LOC128462377: variants seen among roughly 807,000 people sequenced by gnomAD.
chr16:89,350,113 G>A, the LOC128462377 span, among the ~76,000 whole-genome samples: 264 of 152,286 alleles, frequency 1.7e-3, no homozygotes, highest in Non-Finnish European at 1.3e-3. Context: ...AACATCATTT[G>A]TCACTAGGGC....
chr16:89,410,437 G>C, the LOC128462377 span, among the ~76,000 whole-genome samples: 1 of 152,226 alleles, frequency 6.6e-6, no homozygotes, highest in Non-Finnish European at 1.5e-5. Flanking sequence ...GGTGTTGGGA[G>C]TGATGGTCTT....
the LOC128462377 span, among the ~76,000 whole-genome samples, chr16:89,396,467 G>A: frequency 1.2e-4 from 18 of 152,082 alleles, no homozygotes; most frequent in African/African-American, 2.4e-4. Context: ...TTTTGGTGTC[G>A]TATCAATGAA....
chr16:89,375,585 G>A, the LOC128462377 span, among the ~76,000 whole-genome samples: 29 of 151,696 alleles, frequency 1.9e-4, no homozygotes, highest in African/African-American at 2.4e-4. Flanking sequence ...TCAGCCTCCC[G>A]AGTGATTACA....
chr16:89,396,701 T>G, the LOC128462377 span, among the ~76,000 whole-genome samples: 1 of 152,160 alleles, frequency 6.6e-6, no homozygotes, highest in Non-Finnish European at 1.5e-5. Flanking sequence ...TTGCTGTTGT[T>G]TTTGGGACGG....
At chr16:89,375,063 G>A in the LOC128462377 span, among the ~76,000 whole-genome samples, 1 of 151,974 alleles carries the variant, frequency 6.6e-6, no homozygotes, top group African/African-American at 2.4e-5. Context: ...ACATGGCATC[G>A]TTCAGCAGAG....
chr16:89,330,441 C>A, the LOC128462377 span, among the ~76,000 whole-genome samples: 3 of 152,044 alleles, frequency 2.0e-5, no homozygotes, highest in Middle Eastern at 3.2e-3. Context: ...TGGCAGAAGG[C>A]CCAAATTCCT....
At chr16:89,401,740 T>G in the LOC128462377 span, among the ~76,000 whole-genome samples, 24 of 152,146 alleles carry the variant, frequency 1.6e-4, no homozygotes, top group African/African-American at 5.3e-4. Flanking sequence ...CCCACAGAAC[T>G]AGCTTCCTTC....
the LOC128462377 span, among the ~76,000 whole-genome samples, chr16:89,375,206 G>A: frequency 2.9e-3 from 441 of 152,152 alleles, 3 homozygotes; most frequent in African/African-American, 9.9e-3. Flanking sequence ...CAAGTGTGTC[G>A]GTATCCGCTT....
the LOC128462377 span, among the ~76,000 whole-genome samples, chr16:89,318,465 G>A: frequency 5.9e-5 from 9 of 152,224 alleles, no homozygotes; most frequent in African/African-American, 2.2e-4. Context: ...CTCTGTGCGC[G>A]ACCATGCCGG....
chr16:89,330,249 A>G, the LOC128462377 span, among the ~76,000 whole-genome samples: 9 of 152,132 alleles, frequency 5.9e-5, no homozygotes, highest in African/African-American at 2.2e-4. Context: ...AGCATTTGTC[A>G]ACAATGACCA....
At chr16:89,334,477 A>AG in the LOC128462377 span, among the ~76,000 whole-genome samples, 3 of 152,024 alleles carry the variant, frequency 2.0e-5, no homozygotes, top group Non-Finnish European at 4.4e-5. Context: ...CCTCTCACAA[A>AG]GGGGGAGTGT....
chr16:89,344,091 C>CG, the LOC128462377 span, among the ~76,000 whole-genome samples: 2 of 152,292 alleles, frequency 1.3e-5, no homozygotes, highest in East Asian at 3.9e-4. Flanking sequence ...CAGGACTTCC[C>CG]GGGCCTCAAT....
the LOC128462377 span, among the ~76,000 whole-genome samples, chr16:89,411,983 T>C: frequency 8.9e-6 from 1 of 112,904 alleles, no homozygotes; most frequent in African/African-American, 3.6e-5. Context: ...GGTACTGGGC[T>C]GAGATGCCTC....
the LOC128462377 span, among the ~76,000 whole-genome samples, chr16:89,370,360 C>T: frequency 4.7e-4 from 71 of 152,238 alleles, 1 homozygote; most frequent in Middle Eastern, 0.02. Context: ...GGGAGACAGG[C>T]GTGCCCGGTA....
the LOC128462377 span, among the ~76,000 whole-genome samples, chr16:89,374,805 A>G: frequency 6.6e-6 from 1 of 152,122 alleles, no homozygotes; most frequent in Non-Finnish European, 1.5e-5. Context: ...GACCCCGAAC[A>G]CCACGGCTTG....
the LOC128462377 span, chr16:89,323,872 C>T: frequency 1.7e-3 from 380 of 217,592 alleles, 2 homozygotes; most frequent in African/African-American, 8.9e-3. Context: ...CTCCGTCTCA[C>T]CCCATAAGCC....
At chr16:89,336,599 G>A in the LOC128462377 span, among the ~76,000 whole-genome samples, 2 of 152,144 alleles carry the variant, frequency 1.3e-5, no homozygotes, top group Non-Finnish European at 2.9e-5. Context: ...GAGACACAAG[G>A]TTAAAGTGAC....
At chr16:89,367,929 A>T in the LOC128462377 span, among the ~76,000 whole-genome samples, 3 of 152,150 alleles carry the variant, frequency 2.0e-5, no homozygotes, top group Non-Finnish European at 2.9e-5. Flanking sequence ...ACTTGAGCCC[A>T]GGAGGTCAAG....
the LOC128462377 span, among the ~76,000 whole-genome samples, chr16:89,354,808 A>T: frequency 6.6e-6 from 1 of 151,990 alleles, no homozygotes; most frequent in African/African-American, 2.4e-5. Context: ...AATCGCTTGA[A>T]CCCAGGAGGC....
Sources: allele counts gnomAD v4.1 joint callset (sites outside exome capture counted in the v4.1 genomes callset), GRCh38; gene constraint gnomAD v4.1.1; transcripts MANE v1.5.